ESYT2: variants seen among roughly 807,000 people sequenced by gnomAD.
ESYT2 encodes extended synaptotagmin-2.
In ESYT2, 54 loss-of-function variants were observed where a neutral mutation model predicts 107.2. The observed-to-expected ratio is 0.50, with a 90% CI of 0.40 to 0.63. ESYT2 has a LOEUF of 0.63. Among genes scored for constraint, ESYT2 ranks in the 30% least tolerant of loss-of-function variants. ESYT2 has a pLI of 0.00. For synonymous variants in ESYT2, 491 were observed against 434.1 expected (o/e 1.13, Z -1.63); for missense variants, 1,020 against 1,094.5 (o/e 0.93, Z 0.96).
chr7:158,762,338 T>G (rs1251526976), intron 10 of ESYT2, among the ~76,000 whole-genome samples: 2 of 152,194 alleles, frequency 1.3e-5, no homozygotes, highest in Non-Finnish European at 2.9e-5. Context: ...TTTCCTAGAA[T>G]GAGCACCTGA....
intron 16 of ESYT2, among the ~76,000 whole-genome samples, chr7:158,747,460 A>G (rs1355194003): frequency 1.3e-5 from 2 of 152,176 alleles, no homozygotes; most frequent in African/African-American, 2.4e-5. Flanking sequence ...ATTTCACCAT[A>G]GAAGATACAA....
intron 14 of ESYT2, among the ~76,000 whole-genome samples, chr7:158,752,086 T>C (rs777007023): frequency 4.2e-4 from 64 of 152,210 alleles, no homozygotes; most frequent in Non-Finnish European, 5.1e-4. Context: ...TTCTTTAGAA[T>C]AGATAGAATT....
intron 4 of ESYT2, 86 bp from the exon 5 acceptor site, chr7:158,788,503 T>C (rs1584853048): frequency 6.0e-6 from 7 of 1,171,900 alleles, no homozygotes; most frequent in Non-Finnish European, 4.8e-6. Flanking sequence ...ATAATCTGAA[T>C]AAAATGATAG....
At chr7:158,737,319 C>T (rs530832888) in intron 19 of ESYT2, 140 bp from the exon 20 acceptor site, 638 of 1,122,982 alleles carry the variant, frequency 5.7e-4, no homozygotes, top group Non-Finnish European at 7.2e-4. Flanking sequence ...ATGCGTGAGG[C>T]GCTTTTGCCT....
intron 6 of ESYT2, among the ~76,000 whole-genome samples, chr7:158,779,766 G>C (rs1331631223): frequency 6.6e-6 from 1 of 152,190 alleles, no homozygotes. Context: ...CTCTCTACGT[G>C]GAATGACTGG....
chr7:158,761,726 G>T (rs1433414111), intron 10 of ESYT2, among the ~76,000 whole-genome samples, 182 bp from the exon 11 acceptor site: 1 of 152,080 alleles, frequency 6.6e-6, no homozygotes, highest in South Asian at 2.1e-4. Context: ...TTTTCCACAA[G>T]CTTCCTCCAG....
chr7:158,767,903 T>C (rs2129472348), intron 7 of ESYT2, 129 bp from the exon 8 acceptor site: 4 of 1,055,314 alleles, frequency 3.8e-6, no homozygotes, highest in African/African-American at 1.6e-5. Flanking sequence ...GTTATCTCAT[T>C]CCTCCAGTGC....
chr7:158,815,015 T>G (rs181806315), intron 1 of ESYT2, among the ~76,000 whole-genome samples: 166 of 152,370 alleles, frequency 1.1e-3, no homozygotes, highest in African/African-American at 3.5e-3. Context: ...ACCTCTGACA[T>G]TAGCAGAGCT....
At chr7:158,764,614 C>T (rs1223958718) in intron 9 of ESYT2, 63 bp downstream of exon 9, 13 of 1,543,072 alleles carry the variant, frequency 8.4e-6, no homozygotes, top group Non-Finnish European at 1.1e-5. Context: ...GGAATGAGAG[C>T]TTGGCCATCC....
At position 158,733,973 on chromosome 7, in the gene ESYT2, C is replaced by T. The variant is rs928982395; in HGVS notation, c.*234G>A. The stretch of plus-strand genomic sequence containing the variant: ...AGTCCACAGACACAAGAGCTACCGC[C>T]GCCCTACTGCACGTTGTAGGAACTG... On this transcript the variant is annotated 3_prime_UTR_variant, in exon 23 of 23. Coordinates refer to ENST00000275418, the MANE Select transcript of ESYT2 (RefSeq NM_001367773.1). 4.6e-5 allele frequency: 24 copies of T among 521,064 alleles called. No individual in the cohort carries two copies. Among genetic ancestry groups the T allele is most frequent in the Admixed American group, 9.8e-5 (3 of 30,754 alleles). The allele number at this position is 521,064 out of a possible 1,614,324, so 32.3% of individuals were successfully genotyped here.
intron 1 of ESYT2, among the ~76,000 whole-genome samples, chr7:158,810,528 G>C (rs1033741890): frequency 6.6e-5 from 10 of 152,014 alleles, no homozygotes; most frequent in African/African-American, 2.4e-4. Context: ...CAAAATATCT[G>C]AAAATTAGAT....
At chr7:158,786,494 A>G (rs1445784114) in intron 6 of ESYT2, among the ~76,000 whole-genome samples, 1 of 152,234 alleles carries the variant, frequency 6.6e-6, no homozygotes, top group Non-Finnish European at 1.5e-5. Context: ...TAATTTTAAC[A>G]GTAAAATTTG....
rs147223873 is a variant in ESYT2 at position 158,767,697 on chromosome 7, A to T, written c.881T>A (p.Val294Asp). Residue 294 changes from valine to aspartate, a missense_variant, in exon 8 of 23, where the codon GTC becomes GAC. Coordinates refer to ENST00000275418, the MANE Select transcript of ESYT2 (RefSeq NM_001367773.1). ...VLPNRITVPL[V>D]SEVQIAQLRF... Reference sequence around the variant, plus strand: ...CAACTGAGCTATTTGAACTTCACTGACAAGTGGAACGGTGATTCGATTGGG... The same window carrying T: ...CAACTGAGCTATTTGAACTTCACTGTCAAGTGGAACGGTGATTCGATTGGG... 2.4e-5 allele frequency: 38 copies of T among 1,613,268 alleles called. No individual in the cohort carries two copies. Among genetic ancestry groups the T allele is most frequent in the Non-Finnish European group, 3.2e-5 (38 of 1,179,580 alleles).
chr7:158,764,297 G>C (rs1242498748), intron 9 of ESYT2, among the ~76,000 whole-genome samples: 2 of 152,072 alleles, frequency 1.3e-5, no homozygotes, highest in Non-Finnish European at 2.9e-5. Flanking sequence ...GACATGTGAA[G>C]ATGTCCTAAT....
chr7:158,814,979 C>T (rs931996446), intron 1 of ESYT2, among the ~76,000 whole-genome samples: 2 of 152,220 alleles, frequency 1.3e-5, no homozygotes, highest in Non-Finnish European at 2.9e-5. Flanking sequence ...GTGCACAGAC[C>T]TCACAGGTCA....
At chr7:158,736,800 T>C (rs1836971401) in intron 20 of ESYT2, among the ~76,000 whole-genome samples, 1 of 152,226 alleles carries the variant, frequency 6.6e-6, no homozygotes, top group African/African-American at 2.4e-5. Flanking sequence ...ATCAGTAACC[T>C]GATCTTTATT....
rs753687265 is a variant in ESYT2 at position 158,763,126 on chromosome 7, C to G, written c.1141G>C (p.Glu381Gln). The stretch of plus-strand genomic sequence containing the variant: ...TTGTCTGGGTCTTCATCAAAGAGCT[C>G]AATCTCTAATTCTTGTCCAGGATGT... ...YEHPGQELEIELFDEDPDKDD... is the reference protein window; with the variant it reads ...YEHPGQELEIQLFDEDPDKDD... The change falls in exon 10 of 23, where the codon GAG becomes CAG. Residue 381 changes from glutamate (E) to glutamine (Q), a missense_variant. By Grantham distance (29) the Glu-to-Gln change is conservative (BLOSUM62 2). Transcript: ENST00000275418. 7 of 1,613,114 alleles carry G rather than the reference C, an allele frequency of 4.3e-6. No individual in the cohort carries two copies. In the Middle Eastern group the frequency reaches 1.2e-3, roughly 267 times the overall value.
chr7:158,768,450 G>A (rs1318241317), intron 7 of ESYT2, among the ~76,000 whole-genome samples: 1 of 152,180 alleles, frequency 6.6e-6, no homozygotes, highest in African/African-American at 2.4e-5. Flanking sequence ...ACAGAGTTTT[G>A]ATCCTGTTGC....
At position 158,829,450 on chromosome 7, in the gene ESYT2, G is replaced by T. The variant is rs1249553326; in HGVS notation, c.-32C>A. 1 of 1,194,336 alleles carries T rather than the reference G, an allele frequency of 8.4e-7. No homozygotes were observed. Among genetic ancestry groups the T allele is most frequent in the African/African-American group, 1.6e-5 (1 of 62,418 alleles). The allele number at this position is 1,194,336 out of a possible 1,614,324, so 74.0% of individuals were successfully genotyped here. A position where few individuals can be genotyped will look rare whatever the true frequency, so the allele number is the denominator to read the frequency against. On this transcript the variant is annotated 5_prime_UTR_variant, in exon 1 of 23. Transcript: ENST00000275418. ...GCAGTGCCGCGCTGCCCTCCCGGCC[G>T]AGGCGGGCTGGGTGCTCGCGCTGAT...
Sources: allele counts gnomAD v4.1 joint callset (sites outside exome capture counted in the v4.1 genomes callset), GRCh38; gene constraint gnomAD v4.1.1; transcripts MANE v1.5; gene names NCBI Gene and HGNC (gene_info 2026-07-23, HGNC 2026-07-21).